The following SPPL2B variants were observed in gnomAD, a reference collection of about 807,000 sequenced individuals.
The protein encoded by SPPL2B is signal peptide peptidase-like 2B.
A neutral mutation model predicts 59.7 loss-of-function variants in SPPL2B; 39 were observed. The observed-to-expected ratio is 0.65, with a 90% CI of 0.51 to 0.85. The LOEUF (loss-of-function observed/expected upper bound fraction) is 0.85. SPPL2B is among the 40% of genes least tolerant of loss of function. The pLI, the probability that SPPL2B is intolerant of heterozygous loss-of-function variation, is 0.00. For synonymous variants in SPPL2B, 419 were observed against 370.8 expected, an observed-to-expected ratio of 1.13 and a Z score of -1.49; for missense variants, 865 against 849.0, an observed-to-expected ratio of 1.02 and a Z score of -0.23.
chr19:2,353,375 G>A lies in SPPL2B; in HGVS notation c.*166G>A, dbSNP rs1377831348. 1.8e-5 allele frequency: 15 copies of A among 828,208 alleles called. No homozygotes were observed. Among genetic ancestry groups the A allele is most frequent in the Admixed American group, 6.2e-5 (2 of 32,220 alleles). 51.3% of individuals were successfully genotyped at this position (828,208 alleles called of 1,614,324 possible). A position where few individuals can be genotyped will look rare whatever the true frequency, so the allele number is the denominator to read the frequency against. ...ATCCTTGCCGAGACCCCTGCGGTCT[G>A]TGCCCGCGCCCAGCCCAGCTGCCCC... is the stretch of plus-strand genomic sequence containing the variant. On this transcript the variant is annotated 3_prime_UTR_variant, in exon 15 of 15. Transcript: ENST00000613503.
At chr19:2,336,635 CTGTGTGTGCGTG>C (rs913436046) in intron 2 of SPPL2B, among the ~76,000 whole-genome samples, 4 of 149,220 alleles carry the variant, frequency 2.7e-5, no homozygotes, top group South Asian at 4.3e-4. Context: ...TCTGGCCTGG[CTGTGTGTGCGTG>C]TGTGTGTGCA....
In SPPL2B at chr19:2,337,539, C is replaced by G. The variant is rs774466076; in HGVS notation, c.283C>G (p.Arg95Gly). The G allele has an allele frequency of 6.2e-7, 1 of 1,612,886 alleles. No individual in the cohort carries two copies. The highest frequency in any genetic ancestry group is 8.5e-7 in the Non-Finnish European group (1 of 1,179,666). ...CAGCAACCAGATCCCGCTGGTGGCG[C>G]GGGGGAACTGCACCTTCTATGAGAA... is the stretch of plus-strand genomic sequence containing the variant. The part of the protein sequence containing the change: ...GFSNQIPLVA[R>G]GNCTFYEKVR... Residue 95 changes from arginine to glycine, a missense_variant, in exon 3 of 15, where the codon CGG becomes GGG. By Grantham distance (125) the Arg-to-Gly change is moderately radical (BLOSUM62 -2). Coordinates refer to ENST00000613503, the MANE Select transcript of SPPL2B (RefSeq NM_152988.3).
At chr19:2,350,050 C>T (rs1169871184) in intron 13 of SPPL2B, among the ~76,000 whole-genome samples, 8 of 145,336 alleles carry the variant, frequency 5.5e-5, no homozygotes, top group African/African-American at 2.0e-4. Context: ...TGATTCCGTT[C>T]TCTCTCTCCA....
In SPPL2B at chr19:2,344,417, G is replaced by T. The variant is rs200443204; in HGVS notation, c.1169G>T (p.Arg390Leu). 6.9e-7 allele frequency: 1 copy of T among 1,450,848 alleles called. No individual in the cohort carries two copies. Among genetic ancestry groups the T allele is most frequent in the African/African-American group, 1.5e-5 (1 of 68,302 alleles). The allele number at this position is 1,450,848 out of a possible 1,614,324, so 89.9% of individuals were successfully genotyped here. Residue 390 changes from arginine to leucine, a missense_variant, in exon 11 of 15, where the codon CGT becomes CTT. Transcript: ENST00000613503. ...ACTGGGCCCTCGGACTCAGCCACCC[G>T]TGAGAAGGTGTGTCTTCTGACTGCA... ...VATGPSDSAT[R>L]EKLPMVLKVP...
chr19:2,350,227 G>A lies in SPPL2B; in HGVS notation c.1355-1207G>A, dbSNP rs192602843. On this transcript the variant is annotated intron_variant, in intron 13 of 14. Transcript: ENST00000613503. ...CTCGTGCTCTCATTGGCTTGATTCC[G>A]TTCTCTCTCCACACACACACTTGCG... 8.2e-4 allele frequency among the ~76,000 whole-genome samples: 102 copies of A among 125,010 alleles called. 1 individual carries two copies. The highest frequency in any genetic ancestry group is 7.2e-3 in the Middle Eastern group (1 of 138). 82.0% of individuals were successfully genotyped at this position (125,010 alleles called of 152,430 possible). A position where few individuals can be genotyped will look rare whatever the true frequency, so the allele number is the denominator to read the frequency against.
chr19:2,334,653 G>C lies in SPPL2B; in HGVS notation c.118G>C (p.Glu40Gln). 1 of 1,613,048 alleles carries C rather than the reference G, an allele frequency of 6.2e-7. No homozygotes were observed. Among genetic ancestry groups the C allele is most frequent in the South Asian group, 1.1e-5 (1 of 90,912 alleles). Residue 40 changes from glutamate (E) to glutamine (Q), a missense_variant, in exon 2 of 15, where the codon GAA (glutamate) becomes CAA (glutamine). Glu to Gln is a conservative substitution (Grantham distance 29, BLOSUM62 2). Transcript: ENST00000613503. ...VHVVSQAGGP[E>Q]GKDYCILYNP... Reference sequence around the variant, plus strand: ...CGTGGTCTCCCAGGCCGGGGGCCCCGAAGGCAAAGACTACTGCATCCTCTA... The same window carrying C: ...CGTGGTCTCCCAGGCCGGGGGCCCCCAAGGCAAAGACTACTGCATCCTCTA...
At chr19:2,346,343 A>G (rs1969369191) in intron 13 of SPPL2B, among the ~76,000 whole-genome samples, 1 of 152,182 alleles carries the variant, frequency 6.6e-6, no homozygotes, top group African/African-American at 2.4e-5. Context: ...CCCTCGCCCG[A>G]TTTTACTGTC....
At chr19:2,345,041 C>T (rs1263641515) in intron 12 of SPPL2B, among the ~76,000 whole-genome samples, 2 of 152,126 alleles carry the variant, frequency 1.3e-5, no homozygotes, top group African/African-American at 4.8e-5. Flanking sequence ...TCTGCCTGGA[C>T]TTTGTTCTCA....
intron 14 of SPPL2B, 132 bp downstream of exon 14, chr19:2,351,726 G>A: frequency 7.8e-7 from 1 of 1,273,904 alleles, no homozygotes; most frequent in Non-Finnish European, 1.1e-6. Context: ...GGTACCTTCT[G>A]CTTTGGGTGT....
rs1163587688 is a variant in SPPL2B, at chr19:2,339,162, A to G, written c.553A>G (p.Thr185Ala). The G allele has an allele frequency of 3.1e-6, 5 of 1,603,016 alleles. No individual in the cohort carries two copies. Among genetic ancestry groups the G allele is most frequent in the Non-Finnish European group, 4.3e-6 (5 of 1,175,056 alleles). Residue 185 changes from threonine to alanine, a missense_variant, in exon 5 of 15, where the codon ACC (threonine) becomes GCC (alanine). By Grantham distance (58) the Thr-to-Ala change is moderately conservative. Coordinates refer to ENST00000613503, the MANE Select transcript of SPPL2B (RefSeq NM_152988.3). ...CATCATCTTCATCATGGCTGTGGGCACCGTCGCCATCGGCGGCTACTGGGC... is the reference window on the plus strand; with the variant it reads ...CATCATCTTCATCATGGCTGTGGGCGCCGTCGCCATCGGCGGCTACTGGGC... ...MVIIFIMAVGTVAIGGYWAGS... is the reference protein window; with the variant it reads ...MVIIFIMAVGAVAIGGYWAGS...
intron 9 of SPPL2B, 70 bp downstream of exon 9, chr19:2,343,362 T>C: frequency 7.9e-7 from 1 of 1,267,368 alleles, no homozygotes; most frequent in Non-Finnish European, 1.1e-6. Flanking sequence ...GCCTGGCCCG[T>C]GTGGGGCTGT....
rs1430988246 is a variant in SPPL2B, at chr19:2,351,439, G to A, written c.1360G>A (p.Gly454Ser). The A allele has an allele frequency of 6.2e-7, 1 of 1,603,856 alleles. No homozygotes were observed. The highest frequency in any genetic ancestry group is 2.2e-5 in the East Asian group (1 of 44,740). Residue 454 changes from glycine (G) to serine (S), a missense_variant, in exon 14 of 15, where the codon GGC becomes AGC. Physicochemically the swap from Gly to Ser is moderately conservative, Grantham distance 56. Transcript: ENST00000613503. ...VYFVACTIAY[G>S]VGLLVTFVAL... The stretch of plus-strand genomic sequence containing the variant: ...TGCCTCCTCTGTCCCCACAGCCTAT[G>A]GCGTTGGCCTCCTTGTGACATTCGT...
At chr19:2,340,788 G>T in intron 7 of SPPL2B, 110 bp from the exon 8 acceptor site, 1 of 637,340 alleles carries the variant, frequency 1.6e-6, no homozygotes, top group Non-Finnish European at 2.7e-6. Flanking sequence ...GGACAACAGA[G>T]TGGGGGCTGC....
intron 2 of SPPL2B, among the ~76,000 whole-genome samples, chr19:2,335,350 C>A (rs11668542): frequency 0.056 from 3,590 of 64,382 alleles, 881 homozygotes; most frequent in Non-Finnish European, 0.072. Flanking sequence ...CCACTGCATC[C>A]TTCAGGCCCC....
chr19:2,347,031 C>T (rs1969410940), intron 13 of SPPL2B, among the ~76,000 whole-genome samples: 1 of 152,214 alleles, frequency 6.6e-6, no homozygotes, highest in South Asian at 2.1e-4. Flanking sequence ...TTTCAAATGA[C>T]AGTTGCAGGA....
intron 14 of SPPL2B, 118 bp from the exon 15 acceptor site, chr19:2,352,827 GA>G: frequency 8.9e-7 from 1 of 1,122,790 alleles, no homozygotes; most frequent in African/African-American, 1.6e-5. Flanking sequence ...AGCCCCTGGG[GA>G]TGGCGCCTCA....
chr19:2,351,762 G>A, intron 14 of SPPL2B, 168 bp downstream of exon 14: 4 of 882,742 alleles, frequency 4.5e-6, no homozygotes, highest in Non-Finnish European at 4.9e-6. Flanking sequence ...CCGGTGGAAG[G>A]ACGTGCGTGC....
chr19:2,343,751 A>G (rs1969193344), intron 9 of SPPL2B, among the ~76,000 whole-genome samples: 1 of 152,132 alleles, frequency 6.6e-6, no homozygotes, highest in Non-Finnish European at 1.5e-5. Context: ...CCTTCCTGTT[A>G]CGTGGAGACT....
chr19:2,349,636 G>A (rs1416939762), intron 13 of SPPL2B, among the ~76,000 whole-genome samples: 2 of 58,284 alleles, frequency 3.4e-5, no homozygotes, highest in Non-Finnish European at 2.9e-5. Flanking sequence ...GCTCTCATTC[G>A]CTTGATTCCG....
Sources: allele counts gnomAD v4.1 joint callset (sites outside exome capture counted in the v4.1 genomes callset), GRCh38; gene constraint gnomAD v4.1.1; transcripts MANE v1.5; gene names NCBI Gene and HGNC (gene_info 2026-07-23, HGNC 2026-07-21).